Variants in CHST11 observed in about 807,000 individuals in gnomAD.
CHST11 encodes the protein carbohydrate sulfotransferase 11, also known as C4S-1.
In CHST11, 9 loss-of-function variants were observed where a neutral mutation model predicts 30.4. The ratio of observed to expected loss-of-function variants is 0.30; its 90% CI spans 0.18 to 0.52. CHST11 has a LOEUF of 0.52. CHST11 is among the 20% of genes least tolerant of loss of function. CHST11 has a pLI of 0.97. For missense variants in CHST11, 348 were observed against 460.6 expected (o/e 0.76, Z 2.24); for synonymous variants, 152 against 187.8 (o/e 0.81, Z 1.56).
chr12:104,475,538 A>G (rs2037547981), intron 1 of CHST11, among the ~76,000 whole-genome samples: 1 of 151,144 alleles, frequency 6.6e-6, no homozygotes, highest in African/African-American at 2.4e-5. Context: ...AATGATCCCT[A>G]TCTTAATAGA....
At chr12:104,472,872 A>G (rs4964293) in intron 1 of CHST11, among the ~76,000 whole-genome samples, 3,753 of 152,036 alleles carry the variant, frequency 0.025, 121 homozygotes, top group East Asian at 0.16. Flanking sequence ...GGATGAGTAG[A>G]AATTTGCTGG....
intron 1 of CHST11, among the ~76,000 whole-genome samples, chr12:104,480,698 A>T (rs2135960553): frequency 6.6e-6 from 1 of 152,262 alleles, no homozygotes. Context: ...AGACCGTGTG[A>T]TAATGGAGGC....
chr12:104,740,655 G>C (rs1437804486), intron 2 of CHST11, among the ~76,000 whole-genome samples: 1 of 152,198 alleles, frequency 6.6e-6, no homozygotes, highest in African/African-American at 2.4e-5. Flanking sequence ...TAAGGACTCT[G>C]AGATGCAAAA....
chr12:104,749,481 G>A (rs565375434), intron 2 of CHST11, among the ~76,000 whole-genome samples: 1 of 152,314 alleles, frequency 6.6e-6, no homozygotes, highest in South Asian at 2.1e-4. Flanking sequence ...AAGAAGAGGG[G>A]AGAGAAAGGG....
At chr12:104,566,453 C>T (rs1592766457) in intron 1 of CHST11, among the ~76,000 whole-genome samples, 5 of 152,202 alleles carry the variant, frequency 3.3e-5, no homozygotes, top group African/African-American at 1.2e-4. Flanking sequence ...TGTGACTCAA[C>T]AGCTGAACAA....
In CHST11 at chr12:104,586,565, C is replaced by T. The variant is rs192018801; in HGVS notation, c.119-15341C>T. 4.6e-5 allele frequency among the ~76,000 whole-genome samples: 7 copies of T among 152,372 alleles called. No homozygotes were observed. In the East Asian group the frequency reaches 9.6e-4, roughly 21 times the overall value. ...GACTATTTCCTTTCTCCAGCAGCTA[C>T]GTTACTCTGTCTCTGAAGCCATGGG... On this transcript the variant is annotated intron_variant, in intron 1 of 2. Transcript: ENST00000303694.
intron 1 of CHST11, among the ~76,000 whole-genome samples, chr12:104,479,291 C>T (rs73382390): frequency 0.015 from 2,224 of 152,128 alleles, 51 homozygotes; most frequent in African/African-American, 0.05. Context: ...TGGCTGCCTG[C>T]GGTTCCAGCC....
chr12:104,677,457 A>G (rs1265193547), intron 2 of CHST11, among the ~76,000 whole-genome samples: 1 of 152,250 alleles, frequency 6.6e-6, no homozygotes, highest in Non-Finnish European at 1.5e-5. Context: ...TGAATGCTGC[A>G]GATCAAGGCA....
rs115441948 is a variant in CHST11, at chr12:104,463,227, G to T, written c.118+5698G>T. ...CTCTCATGAAAGTCATTGCCAGCAG[G>T]CCTCTTCTAAGTTCAGACTCTGAGG... On this transcript the variant is annotated intron_variant, in intron 1 of 2. Coordinates refer to ENST00000303694, the MANE Select transcript of CHST11 (RefSeq NM_018413.6). Among the ~76,000 whole-genome samples the T allele has an allele frequency of 2.0e-3, 308 of 152,310 alleles. 1 individual carries two copies. Among genetic ancestry groups the T allele is most frequent in the Middle Eastern group, 0.014 (4 of 294 alleles).
intron 1 of CHST11, among the ~76,000 whole-genome samples, chr12:104,548,567 GT>G (rs2038374980): frequency 6.6e-6 from 1 of 152,202 alleles, no homozygotes. Flanking sequence ...CACTAACAAT[GT>G]TTAAACTTTA....
At chr12:104,486,615 CT>C (rs2037681548) in intron 1 of CHST11, among the ~76,000 whole-genome samples, 1 of 152,192 alleles carries the variant, frequency 6.6e-6, no homozygotes, top group South Asian at 2.1e-4. Flanking sequence ...GTTTCTGGAA[CT>C]TTCCAGTCAG....
intron 2 of CHST11, among the ~76,000 whole-genome samples, chr12:104,609,175 A>C (rs763794306): frequency 8.5e-5 from 13 of 152,234 alleles, no homozygotes; most frequent in Admixed American, 1.3e-4. Flanking sequence ...TCCCTTATTT[A>C]CCAACCACCT....
chr12:104,648,956 G>A (rs2039464306), intron 2 of CHST11, among the ~76,000 whole-genome samples: 2 of 152,160 alleles, frequency 1.3e-5, no homozygotes, highest in Admixed American at 1.3e-4. Context: ...GTGGAAGCAG[G>A]GGAAATACAC....
chr12:104,494,254 A>G (rs753136305), intron 1 of CHST11, among the ~76,000 whole-genome samples: 4 of 152,184 alleles, frequency 2.6e-5, no homozygotes, highest in Non-Finnish European at 2.9e-5. Context: ...GATGAGAGAC[A>G]GAGCCTGCAC....
rs757605478 is a variant in CHST11 at position 104,757,104 on chromosome 12, C to T, written c.360C>T (p.Tyr120=). The T allele has an allele frequency of 1.1e-5, 17 of 1,614,010 alleles. No individual in the cohort carries two copies. Among genetic ancestry groups the T allele is most frequent in the Middle Eastern group, 3.3e-4 (2 of 6,084 alleles). The change falls in exon 3 of 3, where the codon TAC becomes TAT. Residue 120 remains tyrosine, a synonymous_variant. Coordinates refer to ENST00000303694, the MANE Select transcript of CHST11 (RefSeq NM_018413.6). This position sits in a 1 kb window ranked among gnomAD's most constrained non-coding sequence, Gnocchi z 6.5. ...LVVDEDHELI[Y]CYVPKVACTN... is the part of the protein sequence containing the mutation. Reference sequence around the variant, plus strand: ...TGGATGAGGACCACGAGCTCATCTACTGCTACGTGCCCAAGGTGGCCTGCA... The same window carrying T: ...TGGATGAGGACCACGAGCTCATCTATTGCTACGTGCCCAAGGTGGCCTGCA...
At chr12:104,734,430 T>C (rs1052694633) in intron 2 of CHST11, among the ~76,000 whole-genome samples, 6 of 152,174 alleles carry the variant, frequency 3.9e-5, no homozygotes, top group African/African-American at 1.2e-4. Flanking sequence ...GCCCGTTGTA[T>C]AGTTGCAGAA....
At chr12:104,602,758 A>G (rs868144015) in intron 2 of CHST11, among the ~76,000 whole-genome samples, 1 of 152,170 alleles carries the variant, frequency 6.6e-6, no homozygotes, top group Non-Finnish European at 1.5e-5. Flanking sequence ...GACCTTCGAT[A>G]GCCGTAGAGA....
chr12:104,570,693 C>CTTT (rs55750051), intron 1 of CHST11, among the ~76,000 whole-genome samples: 34,165 of 141,124 alleles, frequency 0.24, 4,437 homozygotes, highest in Middle Eastern at 0.33. Flanking sequence ...AGCCACTGCA[C>CTTT]TTTTTTTTTT....
intron 1 of CHST11, among the ~76,000 whole-genome samples, chr12:104,507,752 G>A (rs568758463): frequency 1.3e-5 from 2 of 152,268 alleles, no homozygotes; most frequent in South Asian, 4.1e-4. Context: ...TAGTGGTGTA[G>A]CCCAGGCAAA....
Sources: gnomAD v4.1 joint callset for allele counts (sites outside exome capture counted in the v4.1 genomes callset) on GRCh38, gnomAD v4.1.1 for gene constraint, Gnocchi (gnomAD v3.1) non-coding constraint, MANE v1.5 for transcripts, NCBI Gene and HGNC (gene_info 2026-07-23, HGNC 2026-07-21) for gene names.